Variants in ARID5B observed in about 807,000 individuals in gnomAD.
ARID5B encodes AT-rich interaction domain 5B, also known as AT-rich interactive domain-containing protein 5B.
Under a neutral mutation model 97.2 loss-of-function variants are expected in ARID5B, and 13 were observed. The observed-to-expected ratio is 0.13, with a 90% confidence interval of 0.09 to 0.21. The LOEUF is 0.21. ARID5B is among the 10% of genes least tolerant of loss of function. ARID5B has a pLI of 1.00. For missense variants in ARID5B, 1,210 were observed against 1,465.3 expected (o/e 0.83, Z 2.84); for synonymous variants, 556 against 570.3 (o/e 0.97, Z 0.36).
At chr10:61,919,656 GA>G (rs1843977128) in intron 2 of ARID5B, among the ~76,000 whole-genome samples, 1 of 152,088 alleles carries the variant, frequency 6.6e-6, no homozygotes, top group Admixed American at 6.5e-5. Flanking sequence ...TATAAATACA[GA>G]AAAAATAACT....
At chr10:62,027,421 G>T (rs1291699147) in intron 4 of ARID5B, among the ~76,000 whole-genome samples, 10 of 144,730 alleles carry the variant, frequency 6.9e-5, no homozygotes, top group Non-Finnish European at 6.0e-5. Context: ...CGATTCTCCT[G>T]CCTCAGCCTC....
At chr10:62,010,408 A>C (rs1476236789) in intron 4 of ARID5B, among the ~76,000 whole-genome samples, 4 of 152,034 alleles carry the variant, frequency 2.6e-5, no homozygotes, top group Non-Finnish European at 5.9e-5. Context: ...TCTTCGCTAG[A>C]CTCTAAGCTC....
At chr10:61,942,930 G>A (rs1454175431) in intron 3 of ARID5B, among the ~76,000 whole-genome samples, 2 of 152,114 alleles carry the variant, frequency 1.3e-5, no homozygotes, top group Non-Finnish European at 2.9e-5. Context: ...GAGTTGATTG[G>A]GAGGCTCTCT....
chr10:61,904,732 A>G (rs748631177), intron 2 of ARID5B, among the ~76,000 whole-genome samples: 3 of 152,230 alleles, frequency 2.0e-5, no homozygotes, highest in Non-Finnish European at 4.4e-5. Flanking sequence ...ACTTTGGCTG[A>G]TGTCATTGTG....
At chr10:62,076,374 C>T (rs1302864863) in intron 8 of ARID5B, among the ~76,000 whole-genome samples, 1 of 151,928 alleles carries the variant, frequency 6.6e-6, no homozygotes, top group Non-Finnish European at 1.5e-5. Flanking sequence ...AACCCTGCCT[C>T]TACTAAAAAA....
In ARID5B at chr10:62,092,277, C is replaced by A; in HGVS notation, c.2814C>A (p.Ser938=). 2 of 1,606,928 alleles carry A rather than the reference C, an allele frequency of 1.2e-6. No homozygotes were observed. The part of the protein sequence containing the change: ...TTGPQESKGI[S]QFQVLGSQSR... ...GGCCCCAGGAGAGCAAAGGCATCTC[C>A]CAGTTCCAGGTCTTAGGCAGCCAGA... The change falls in exon 10 of 10, where the codon TCC becomes TCA. Residue 938 remains serine, a synonymous_variant. Coordinates refer to ENST00000279873, the MANE Select transcript of ARID5B (RefSeq NM_032199.3).
chr10:61,925,119 C>T (rs1189618101), intron 2 of ARID5B, among the ~76,000 whole-genome samples: 2 of 151,956 alleles, frequency 1.3e-5, no homozygotes, highest in South Asian at 2.1e-4. Context: ...GCAGGATAAT[C>T]ACTTGAACCC....
At chr10:61,973,598 C>A (rs1249502266) in intron 3 of ARID5B, among the ~76,000 whole-genome samples, 1 of 152,044 alleles carries the variant, frequency 6.6e-6, no homozygotes, top group Middle Eastern at 3.2e-3. Flanking sequence ...CACACACACA[C>A]CAGATGCCAG....
intron 4 of ARID5B, among the ~76,000 whole-genome samples, chr10:62,023,901 G>A (rs1021555193): frequency 3.9e-5 from 6 of 152,204 alleles, no homozygotes; most frequent in South Asian, 2.1e-4. Flanking sequence ...GGTCACATAC[G>A]TGTAGATAAA....
chr10:62,073,038 G>A (rs955985332), intron 8 of ARID5B, among the ~76,000 whole-genome samples: 6 of 152,144 alleles, frequency 3.9e-5, no homozygotes, highest in African/African-American at 1.2e-4. Context: ...TTTCAAGAAG[G>A]GTCAATGAGT....
chr10:61,922,051 C>T (rs935379103), intron 2 of ARID5B, among the ~76,000 whole-genome samples: 15 of 152,234 alleles, frequency 9.9e-5, no homozygotes, highest in African/African-American at 3.4e-4. Context: ...CCAAATATCT[C>T]CCCGCTCTTC....
chr10:61,955,103 A>G (rs1838374417), intron 3 of ARID5B, among the ~76,000 whole-genome samples: 1 of 152,226 alleles, frequency 6.6e-6, no homozygotes, highest in African/African-American at 2.4e-5. Context: ...AGAATAGCCT[A>G]AAGGATGCTG....
chr10:62,076,561 C>CAGAAAAAAAA (rs1840138377), intron 8 of ARID5B, among the ~76,000 whole-genome samples: 1 of 92,654 alleles, frequency 1.1e-5, no homozygotes, highest in Admixed American at 1.2e-4. Context: ...GACTCTGTCT[C>CAGAAAAAAAA]AAAAAAAAAA....
chr10:61,986,603 G>T (rs1188172050), intron 3 of ARID5B, among the ~76,000 whole-genome samples: 1 of 152,120 alleles, frequency 6.6e-6, no homozygotes, highest in Non-Finnish European at 1.5e-5. Context: ...GTCAGAAAAA[G>T]CAGCATCTTC....
At chr10:61,963,561 C>T (rs1041846429) in intron 3 of ARID5B, among the ~76,000 whole-genome samples, 6 of 151,992 alleles carry the variant, frequency 3.9e-5, no homozygotes, top group Non-Finnish European at 7.4e-5. Flanking sequence ...GGACAGCTGA[C>T]CTATATGTCT....
At chr10:61,912,770 T>TA (rs2132760480) in intron 2 of ARID5B, among the ~76,000 whole-genome samples, 1 of 151,886 alleles carries the variant, frequency 6.6e-6, no homozygotes, top group South Asian at 2.1e-4. Context: ...ACTTTTTTTT[T>TA]AACCCTTCCA....
chr10:62,078,692 A>T (rs1840170282), intron 8 of ARID5B, among the ~76,000 whole-genome samples: 3 of 152,184 alleles, frequency 2.0e-5, no homozygotes, highest in Non-Finnish European at 2.9e-5. Context: ...CCTTAAGTCC[A>T]TTCCAACTTT....
At chr10:62,003,779 G>A (rs969628369) in intron 4 of ARID5B, among the ~76,000 whole-genome samples, 1 of 152,144 alleles carries the variant, frequency 6.6e-6, no homozygotes, top group Non-Finnish European at 1.5e-5. Flanking sequence ...ATTCATCTCT[G>A]AAAATAGACT....
intron 4 of ARID5B, among the ~76,000 whole-genome samples, chr10:62,026,028 T>C (rs777813085): frequency 7.9e-5 from 12 of 152,260 alleles, no homozygotes; most frequent in Non-Finnish European, 1.6e-4. Context: ...CTACAGCTGT[T>C]AGCTGGCTTT....
Sources: gnomAD v4.1 joint callset for allele counts (sites outside exome capture counted in the v4.1 genomes callset) on GRCh38, gnomAD v4.1.1 for gene constraint, MANE v1.5 for transcripts, NCBI Gene and HGNC (gene_info 2026-07-23, HGNC 2026-07-21) for gene names.